The following BCO1 variants were observed in gnomAD, a reference collection of about 807,000 sequenced individuals.
BCO1 encodes beta-carotene oxygenase 1.
A neutral mutation model predicts 56.3 loss-of-function variants in BCO1; 54 were observed. That is an observed-to-expected ratio of 0.96 (90% CI 0.77 to 1.20). BCO1 has a LOEUF of 1.20. Among genes scored for constraint, BCO1 ranks in the 50% most tolerant of loss-of-function variants. BCO1 has a pLI of 0.00. For synonymous variants in BCO1, 318 were observed against 266.1 expected, an observed-to-expected ratio of 1.20 and a Z score of -1.90; for missense variants, 801 against 690.9, an observed-to-expected ratio of 1.16 and a Z score of -1.79.
chr16:81,274,506 C>T (rs972299543), intron 7 of BCO1, among the ~76,000 whole-genome samples: 4 of 152,206 alleles, frequency 2.6e-5, no homozygotes, highest in East Asian at 1.9e-4. Context: ...CCTCGTGATC[C>T]GCCTGCCTCA....
chr16:81,290,443 T>A lies in BCO1; in HGVS notation c.1510T>A (p.Ser504Thr). Residue 504 changes from serine (S) to threonine (T), a missense_variant, in exon 11 of 11, where the codon TCT (serine) becomes ACT (threonine). Physicochemically the swap from Ser to Thr is moderately conservative, Grantham distance 58. Transcript: ENST00000258168. ...AAGCTTTACGGAATTGGCCCGTGCC[T>A]CTGTTGATGTCGATATGCACATGGA... ...AKSFTELARA[S>T]VDVDMHMDLH... 1.2e-6 allele frequency: 2 copies of A among 1,614,202 alleles called. No homozygotes were observed. The highest frequency in any genetic ancestry group is 1.7e-6 in the Non-Finnish European group (2 of 1,180,032).
intron 8 of BCO1, 57 bp downstream of exon 8, chr16:81,281,019 C>T: frequency 7.9e-7 from 1 of 1,257,930 alleles, no homozygotes; most frequent in South Asian, 1.2e-5. Context: ...CACAGGGAGC[C>T]CAGAGGCCTC....
chr16:81,262,333 A>G, intron 4 of BCO1, 50 bp downstream of exon 4: 3 of 1,587,474 alleles, frequency 1.9e-6, no homozygotes, highest in Non-Finnish European at 2.6e-6. Flanking sequence ...AGAAAGGGAG[A>G]GTCGGCGACG....
At chr16:81,288,312 G>A (rs1355970040) in intron 10 of BCO1, among the ~76,000 whole-genome samples, 3 of 152,194 alleles carry the variant, frequency 2.0e-5, no homozygotes, top group African/African-American at 7.2e-5. Flanking sequence ...GCCCAGGCTG[G>A]AGTGTAGTGG....
At chr16:81,252,144 G>A (rs1020573651) in intron 2 of BCO1, among the ~76,000 whole-genome samples, 2 of 152,046 alleles carry the variant, frequency 1.3e-5, no homozygotes, top group Non-Finnish European at 2.9e-5. Context: ...ATGCTCTGGG[G>A]CTGGATGTTT....
intron 8 of BCO1, among the ~76,000 whole-genome samples, chr16:81,281,821 G>A (rs1018115977): frequency 1.2e-4 from 19 of 152,206 alleles, no homozygotes; most frequent in Admixed American, 7.9e-4. Flanking sequence ...TGGAAGCCAG[G>A]AAGACCCCCA....
chr16:81,286,698 A>G (rs1908199699), intron 9 of BCO1, among the ~76,000 whole-genome samples: 2 of 152,062 alleles, frequency 1.3e-5, no homozygotes, highest in South Asian at 4.2e-4. Flanking sequence ...TTAAAAAATA[A>G]TAATAAATTT....
At chr16:81,258,971 A>T (rs567363960) in intron 2 of BCO1, among the ~76,000 whole-genome samples, 10 of 152,076 alleles carry the variant, frequency 6.6e-5, no homozygotes, top group African/African-American at 2.2e-4. Context: ...GGATCTTTTA[A>T]ACAACCAGAT....
intron 7 of BCO1, among the ~76,000 whole-genome samples, chr16:81,272,132 GAGA>G (rs1185761964): frequency 4.0e-5 from 2 of 50,140 alleles, no homozygotes; most frequent in Non-Finnish European, 8.2e-5. Flanking sequence ...TTTTTTTTTT[GAGA>G]AGGAGTCTCG....
rs575999443 is a variant in BCO1, at chr16:81,262,019, G to C, written c.324-117G>C. 2.0e-5 allele frequency: 26 copies of C among 1,275,154 alleles called. No homozygotes were observed. In the African/African-American group the frequency reaches 3.1e-4, roughly 15 times the overall value. The allele number at this position is 1,275,154 out of a possible 1,614,324, so 79.0% of individuals were successfully genotyped here. ...GGCCTCCCACAGTGCTGGGATTACAGGCACCCGGCCGAAGTAAAGCATTTT... is the reference window on the plus strand; with the variant it reads ...GGCCTCCCACAGTGCTGGGATTACACGCACCCGGCCGAAGTAAAGCATTTT... On this transcript the variant is annotated intron_variant, in intron 3 of 10. Coordinates refer to ENST00000258168, the MANE Select transcript of BCO1 (RefSeq NM_017429.3).
intron 2 of BCO1, among the ~76,000 whole-genome samples, chr16:81,251,416 C>T (rs1905789332): frequency 6.6e-6 from 1 of 151,892 alleles, no homozygotes; most frequent in South Asian, 2.1e-4. Flanking sequence ...AAAAGTTATC[C>T]AGGCGTGGTG....
Position 81,245,395 on chromosome 16 carries a change from A to C in BCO1, c.65-80A>C, listed in dbSNP as rs562872102. 5.2e-4 allele frequency: 835 copies of C among 1,607,970 alleles called. 1 individual carries two copies. Among genetic ancestry groups the C allele is most frequent in the Non-Finnish European group, 6.4e-4 (753 of 1,174,712 alleles). ...AGTGGTACTGGGACCACAACTCTCA[A>C]ATTCCTTTCCATGACCATTTCTTCC... On this transcript the variant is annotated intron_variant, in intron 1 of 10. Transcript: ENST00000258168.
chr16:81,276,917 C>T (rs1292268944), intron 7 of BCO1, among the ~76,000 whole-genome samples: 1 of 150,808 alleles, frequency 6.6e-6, no homozygotes, highest in Non-Finnish European at 1.5e-5. Context: ...AAATACAAAA[C>T]TTAGCCAGGC....
Position 81,259,657 on chromosome 16 carries a change from G to A in BCO1, c.194-19G>A. On this transcript the variant is annotated intron_variant, in intron 2 of 10. Coordinates refer to ENST00000258168, the MANE Select transcript of BCO1 (RefSeq NM_017429.3). ...TGTGAAGGCGTCAGCCTGAGATTATGCTGGTTCTTCTCTTGCAGGTGAAGT... is the reference window on the plus strand; with the variant it reads ...TGTGAAGGCGTCAGCCTGAGATTATACTGGTTCTTCTCTTGCAGGTGAAGT... 6.2e-7 allele frequency: 1 copy of A among 1,614,206 alleles called. No homozygotes were observed. The highest frequency in any genetic ancestry group is 8.5e-7 in the Non-Finnish European group (1 of 1,180,034).
intron 4 of BCO1, 41 bp downstream of exon 4, chr16:81,262,324 G>A: frequency 6.3e-7 from 1 of 1,598,492 alleles, no homozygotes; most frequent in Non-Finnish European, 8.6e-7. Flanking sequence ...CCTGACTCAA[G>A]AAAGGGAGAG....
chr16:81,259,558 G>C (rs1307639174), intron 2 of BCO1, 118 bp from the exon 3 acceptor site: 3 of 1,165,088 alleles, frequency 2.6e-6, no homozygotes, highest in Non-Finnish European at 3.8e-6. Context: ...TACTAAAGGA[G>C]CTTGTCCTAG....
intron 2 of BCO1, among the ~76,000 whole-genome samples, chr16:81,248,952 T>G (rs564572607): frequency 6.6e-6 from 1 of 152,004 alleles, no homozygotes; most frequent in African/African-American, 2.4e-5. Flanking sequence ...GCAGAGGCTG[T>G]GGTGAGTTGA....
intron 8 of BCO1, among the ~76,000 whole-genome samples, chr16:81,281,527 A>G (rs1489534499): frequency 6.6e-6 from 1 of 152,210 alleles, no homozygotes; most frequent in Non-Finnish European, 1.5e-5. Flanking sequence ...CTTACTGAAC[A>G]TGGGCTTACT....
At chr16:81,261,826 C>T (rs1448219478) in intron 3 of BCO1, 4 of 357,752 alleles carry the variant, frequency 1.1e-5, no homozygotes, top group Admixed American at 7.6e-5. Flanking sequence ...ACTGCAAGCT[C>T]CGCCTCCCGG....
Sources: gnomAD v4.1 joint callset for allele counts (sites outside exome capture counted in the v4.1 genomes callset) on GRCh38, gnomAD v4.1.1 for gene constraint, MANE v1.5 for transcripts, NCBI Gene and HGNC (gene_info 2026-07-23, HGNC 2026-07-21) for gene names.